The following HYCC1 variants were observed in gnomAD, a reference collection of about 807,000 sequenced individuals.
The protein encoded by HYCC1 is hyccin PI4KA lipid kinase complex subunit 1.
the HYCC1 span, among the ~76,000 whole-genome samples, chr7:22,969,413 G>A: frequency 4.7e-5 from 7 of 149,630 alleles, no homozygotes; most frequent in Non-Finnish European, 8.9e-5. Flanking sequence ...TGATCCACCC[G>A]CCGTGGCCTC....
At chr7:22,953,663 G>A in the HYCC1 span, among the ~76,000 whole-genome samples, 1 of 151,642 alleles carries the variant, frequency 6.6e-6, no homozygotes, top group Non-Finnish European at 1.5e-5. Flanking sequence ...TTTTCCTTGA[G>A]TAATCTAATA....
the HYCC1 span, among the ~76,000 whole-genome samples, chr7:23,010,717 C>CA: frequency 6.6e-6 from 1 of 152,140 alleles, no homozygotes; most frequent in South Asian, 2.1e-4. Context: ...AACACCCCCC[C>CA]ACACCAAATT....
the HYCC1 span, among the ~76,000 whole-genome samples, chr7:22,927,232 A>G: frequency 6.6e-6 from 1 of 152,222 alleles, no homozygotes; most frequent in Non-Finnish European, 1.5e-5. Context: ...AGAAAGCAGG[A>G]AAGATCTAAA....
chr7:22,970,450 T>C, the HYCC1 span, among the ~76,000 whole-genome samples: 1 of 152,222 alleles, frequency 6.6e-6, no homozygotes, highest in Non-Finnish European at 1.5e-5. Flanking sequence ...GATATAGCAG[T>C]GAACAAAAAG....
the HYCC1 span, among the ~76,000 whole-genome samples, chr7:22,952,858 G>A: frequency 6.6e-6 from 1 of 151,782 alleles, no homozygotes; most frequent in East Asian, 1.9e-4. Context: ...CTGAGCAAGG[G>A]CAAAAACAAA....
At chr7:22,963,813 G>A in the HYCC1 span, among the ~76,000 whole-genome samples, 1 of 152,106 alleles carries the variant, frequency 6.6e-6, no homozygotes, top group Admixed American at 6.6e-5. Flanking sequence ...TATAAATTCT[G>A]TCTTCAAAAA....
chr7:22,959,791 T>C, the HYCC1 span, among the ~76,000 whole-genome samples: 2 of 151,928 alleles, frequency 1.3e-5, no homozygotes, highest in Non-Finnish European at 2.9e-5. Flanking sequence ...TTCAAGAAAA[T>C]ACAACTAGTG....
At chr7:23,004,144 T>C in the HYCC1 span, among the ~76,000 whole-genome samples, 1 of 152,240 alleles carries the variant, frequency 6.6e-6, no homozygotes, top group Admixed American at 6.5e-5. Flanking sequence ...GAATGTAACC[T>C]AGACGTTGTT....
At chr7:22,976,000 A>T in the HYCC1 span, among the ~76,000 whole-genome samples, 5 of 152,198 alleles carry the variant, frequency 3.3e-5, no homozygotes, top group Admixed American at 2.0e-4. Flanking sequence ...AATTACAGAC[A>T]TGAGCTATCG....
At chr7:23,004,480 T>C in the HYCC1 span, among the ~76,000 whole-genome samples, 1 of 152,202 alleles carries the variant, frequency 6.6e-6, no homozygotes, top group Non-Finnish European at 1.5e-5. Flanking sequence ...CTCAATATGA[T>C]TTCCATGAAG....
At chr7:22,975,465 G>A in the HYCC1 span, among the ~76,000 whole-genome samples, 1 of 151,964 alleles carries the variant, frequency 6.6e-6, no homozygotes. Context: ...ATAACCCCTT[G>A]GCTCAATTTA....
chr7:23,003,001 G>A, the HYCC1 span, among the ~76,000 whole-genome samples: 2 of 152,024 alleles, frequency 1.3e-5, no homozygotes, highest in South Asian at 2.1e-4. Flanking sequence ...GTTCTTACAA[G>A]GACACCAATC....
chr7:22,976,093 C>T, the HYCC1 span: 1 of 729,446 alleles, frequency 1.4e-6, no homozygotes, highest in South Asian at 1.6e-5. Context: ...TTTACATTAA[C>T]TTATTTAATG....
the HYCC1 span, chr7:22,960,527 C>A: frequency 1.2e-6 from 1 of 836,884 alleles, no homozygotes; most frequent in East Asian, 2.5e-5. Context: ...AGGCTCTTCC[C>A]AAGCATTTTA....
chr7:22,908,799 G>A, the HYCC1 span, among the ~76,000 whole-genome samples: 1 of 152,128 alleles, frequency 6.6e-6, no homozygotes, highest in Non-Finnish European at 1.5e-5. Flanking sequence ...GGGGGCCTTG[G>A]GCCACACTGG....
At chr7:22,992,990 C>A in the HYCC1 span, among the ~76,000 whole-genome samples, 1 of 152,016 alleles carries the variant, frequency 6.6e-6, no homozygotes, top group Non-Finnish European at 1.5e-5. Flanking sequence ...ATAAAACTTA[C>A]CAAAAACTAT....
chr7:22,900,505 G>A, the HYCC1 span, among the ~76,000 whole-genome samples: 2 of 152,226 alleles, frequency 1.3e-5, no homozygotes, highest in Admixed American at 1.3e-4. Context: ...GATGTAAACA[G>A]ATATCTGCTA....
At chr7:22,937,695 CT>C in the HYCC1 span, 1 of 152,140 alleles carries the variant, frequency 6.6e-6, no homozygotes, top group African/African-American at 2.4e-5. Context: ...TAAAACAAAT[CT>C]TTATTCACCA....
the HYCC1 span, chr7:22,984,138 A>T: frequency 2.7e-6 from 2 of 744,562 alleles, no homozygotes; most frequent in Non-Finnish European, 4.7e-6. Context: ...TGTTGCCAGG[A>T]CTGCAGATGG....
Sources: gnomAD v4.1 joint callset for allele counts (sites outside exome capture counted in the v4.1 genomes callset) on GRCh38, gnomAD v4.1.1 for gene constraint, MANE v1.5 for transcripts, NCBI Gene and HGNC (gene_info 2026-07-23, HGNC 2026-07-21) for gene names.